Variants in CDKAL1 observed in about 807,000 individuals in gnomAD.
The protein encoded by CDKAL1 is threonylcarbamoyladenosine tRNA methylthiotransferase.
In CDKAL1, 32 loss-of-function variants were observed where a neutral mutation model predicts 68.2. The ratio of observed to expected loss-of-function variants is 0.47; its 90% CI spans 0.35 to 0.63. CDKAL1 has a LOEUF of 0.63. Among genes scored for constraint, CDKAL1 ranks in the 30% least tolerant of loss-of-function variants. The probability of loss-of-function intolerance (pLI) is 0.00; values close to 1 mark genes in which losing one functional copy is unlikely to be tolerated. For synonymous variants in CDKAL1, 234 were observed against 244.3 expected, an observed-to-expected ratio of 0.96 and a Z score of 0.39; for missense variants, 606 against 696.7, an observed-to-expected ratio of 0.87 and a Z score of 1.47.
chr6:20,762,529 G>T (rs1310753235), intron 7 of CDKAL1, among the ~76,000 whole-genome samples: 1 of 152,150 alleles, frequency 6.6e-6, no homozygotes, highest in Non-Finnish European at 1.5e-5. Context: ...CGCTTTCTAT[G>T]TCTACTGCCA....
At chr6:21,161,541 G>A (rs1022468733) in intron 13 of CDKAL1, among the ~76,000 whole-genome samples, 1 of 152,116 alleles carries the variant, frequency 6.6e-6, no homozygotes, top group South Asian at 2.1e-4. Flanking sequence ...TTTTGGTGGT[G>A]TTAATCACTT....
intron 13 of CDKAL1, among the ~76,000 whole-genome samples, chr6:21,192,091 G>A (rs1345517179): frequency 1.2e-4 from 14 of 116,906 alleles, no homozygotes; most frequent in Admixed American, 9.7e-4. Context: ...GCGCAATCTC[G>A]GCTCACTGCA....
intron 10 of CDKAL1, among the ~76,000 whole-genome samples, chr6:20,968,162 T>G (rs1362182523): frequency 1.3e-5 from 2 of 151,396 alleles, no homozygotes; most frequent in African/African-American, 4.9e-5. Context: ...GGGTTTTTTT[T>G]TTTGTTTTTT....
intron 15 of CDKAL1, among the ~76,000 whole-genome samples, chr6:21,228,884 G>A (rs75166146): frequency 0.02 from 3,115 of 152,136 alleles, 102 homozygotes; most frequent in African/African-American, 0.07. Flanking sequence ...AAAATATTAC[G>A]CAAAAAGCCA....
intron 9 of CDKAL1, among the ~76,000 whole-genome samples, chr6:20,890,567 G>A (rs1019186758): frequency 6.6e-6 from 1 of 152,152 alleles, no homozygotes; most frequent in African/African-American, 2.4e-5. Flanking sequence ...TAAATGTAGT[G>A]GTTATCAGAA....
At chr6:20,994,974 A>G (rs1467497818) in intron 10 of CDKAL1, among the ~76,000 whole-genome samples, 1 of 152,172 alleles carries the variant, frequency 6.6e-6, no homozygotes, top group Non-Finnish European at 1.5e-5. Context: ...ACATTTGTAT[A>G]TTATCATAAA....
chr6:20,632,251 A>G (rs1229470171), intron 4 of CDKAL1, among the ~76,000 whole-genome samples: 1 of 152,214 alleles, frequency 6.6e-6, no homozygotes, highest in African/African-American at 2.4e-5. Flanking sequence ...ACTGTAGATT[A>G]TTAGTTGTTT....
In CDKAL1 at chr6:20,999,630, G is replaced by A. The variant is rs150647676; in HGVS notation, c.910-597G>A. On this transcript the variant is annotated intron_variant, in intron 10 of 15. Coordinates refer to ENST00000274695, the MANE Select transcript of CDKAL1 (RefSeq NM_017774.3). ...CACTGTCGGGTCATGTGCCTTTTGC[G>A]TAATAGATACTCAAAAAATATGTGA... Among the ~76,000 whole-genome samples, 242 of 126,560 alleles carry A rather than the reference G, an allele frequency of 1.9e-3. 1 individual carries two copies. The highest frequency in any genetic ancestry group is 3.3e-3 in the South Asian group (13 of 3,932). 83.0% of individuals were successfully genotyped at this position (126,560 alleles called of 152,430 possible).
At chr6:20,997,620 A>C (rs1767191227) in intron 10 of CDKAL1, among the ~76,000 whole-genome samples, 1 of 152,182 alleles carries the variant, frequency 6.6e-6, no homozygotes, top group African/African-American at 2.4e-5. Flanking sequence ...ATACTGTAGC[A>C]GGGCAAAGTT....
intron 11 of CDKAL1, among the ~76,000 whole-genome samples, chr6:21,062,995 A>C (rs1392588983): frequency 6.6e-6 from 1 of 152,020 alleles, no homozygotes; most frequent in African/African-American, 2.4e-5. Flanking sequence ...GCTCACTGCA[A>C]CCTCCACCTC....
intron 12 of CDKAL1, among the ~76,000 whole-genome samples, chr6:21,072,044 C>T (rs1242415158): frequency 2.0e-5 from 3 of 152,176 alleles, no homozygotes; most frequent in Non-Finnish European, 4.4e-5. Flanking sequence ...AACTGGTACA[C>T]GCCACATTAA....
chr6:20,592,041 T>C (rs1276995540), intron 4 of CDKAL1, among the ~76,000 whole-genome samples: 1 of 152,238 alleles, frequency 6.6e-6, no homozygotes, highest in African/African-American at 2.4e-5. Flanking sequence ...TCCTCTCTTA[T>C]TTCCTTGAGC....
chr6:20,947,860 C>T (rs143206766), intron 9 of CDKAL1, among the ~76,000 whole-genome samples: 189 of 152,140 alleles, frequency 1.2e-3, no homozygotes, highest in African/African-American at 4.1e-3. Flanking sequence ...GAATGCGTAT[C>T]GCTTTCACAC....
chr6:20,682,095 C>A (rs906351637), intron 5 of CDKAL1, among the ~76,000 whole-genome samples: 1 of 152,300 alleles, frequency 6.6e-6, no homozygotes, highest in East Asian at 1.9e-4. Context: ...CTAATCACCT[C>A]TCAGGAGCTC....
At position 20,706,373 on chromosome 6, in the gene CDKAL1, G is replaced by A. The variant is rs182698422; in HGVS notation, c.372-33146G>A. Among the ~76,000 whole-genome samples the A allele has an allele frequency of 6.6e-5, 10 of 152,258 alleles. No individual in the cohort carries two copies. In the East Asian group the frequency reaches 9.7e-4, roughly 15 times the overall value. ...TTCTTTTCTTTACTTTAGGCTTCCC[G>A]CCAACCCTTTGGTGAATTTGAAAGT... is the stretch of plus-strand genomic sequence containing the variant. On this transcript the variant is annotated intron_variant, in intron 5 of 15. Coordinates refer to ENST00000274695, the MANE Select transcript of CDKAL1 (RefSeq NM_017774.3).
intron 9 of CDKAL1, among the ~76,000 whole-genome samples, chr6:20,936,853 T>C (rs1018571424): frequency 3.9e-5 from 6 of 152,212 alleles, no homozygotes; most frequent in African/African-American, 1.2e-4. Context: ...GTTCTTGATT[T>C]ACATTAGACA....
At chr6:20,992,031 CTTTTTTTTTTT>C (rs71530401) in intron 10 of CDKAL1, among the ~76,000 whole-genome samples, 1 of 100,476 alleles carries the variant, frequency 1.0e-5, no homozygotes, top group Non-Finnish European at 1.9e-5. Flanking sequence ...TTTTTCTTTT[CTTTTTTTTTTT>C]TTTTTTTTTT....
At position 20,948,103 on chromosome 6, in the gene CDKAL1, A is replaced by G. The variant is rs148268594; in HGVS notation, c.743-7316A>G. On this transcript the variant is annotated intron_variant, in intron 9 of 15. Transcript: ENST00000274695. Reference sequence around the variant, plus strand: ...TGCAATCATAGCTCACTGTAACCTCAACTCCTGGGGTCTAGTGATCCTCCT... The same window carrying G: ...TGCAATCATAGCTCACTGTAACCTCGACTCCTGGGGTCTAGTGATCCTCCT... 1.8e-3 allele frequency among the ~76,000 whole-genome samples: 270 copies of G among 149,850 alleles called. 2 individuals carry two copies. The highest frequency in any genetic ancestry group is 6.1e-3 in the African/African-American group (249 of 40,524).
At chr6:20,869,015 G>A (rs1229570927) in intron 9 of CDKAL1, among the ~76,000 whole-genome samples, 3 of 152,170 alleles carry the variant, frequency 2.0e-5, no homozygotes, top group East Asian at 3.9e-4. Flanking sequence ...GATGTGCAGC[G>A]AGGAATACTG....
Sources: gnomAD v4.1 joint callset for allele counts (sites outside exome capture counted in the v4.1 genomes callset) on GRCh38, gnomAD v4.1.1 for gene constraint, MANE v1.5 for transcripts, NCBI Gene and HGNC (gene_info 2026-07-23, HGNC 2026-07-21) for gene names.